The following STK17A variants were observed in gnomAD, a reference collection of about 807,000 sequenced individuals.
STK17A encodes the protein serine/threonine kinase 17a.
Under a neutral mutation model 43.7 loss-of-function variants are expected in STK17A, and 26 were observed. The observed-to-expected ratio is 0.60, with a 90% CI of 0.44 to 0.83. The LOEUF (loss-of-function observed/expected upper bound fraction) is 0.83. Among genes scored for constraint, STK17A ranks in the 40% least tolerant of loss-of-function variants. The pLI is 0.00. For synonymous variants in STK17A, 191 were observed against 182.5 expected, an observed-to-expected ratio of 1.05 and a Z score of -0.38; for missense variants, 476 against 511.6, an observed-to-expected ratio of 0.93 and a Z score of 0.67.
At chr7:43,588,884 T>G (rs769143530) in intron 1 of STK17A, among the ~76,000 whole-genome samples, 2 of 151,446 alleles carry the variant, frequency 1.3e-5, no homozygotes, top group African/African-American at 4.8e-5. Flanking sequence ...ACTGTACTTA[T>G]GTATCAAGTA....
chr7:43,596,032 A>G lies in STK17A; in HGVS notation c.338A>G (p.Glu113Gly). Residue 113 changes from glutamate to glycine, a missense_variant, in exon 2 of 7, where the codon GAA becomes GGA. Coordinates refer to ENST00000319357, the MANE Select transcript of STK17A (RefSeq NM_004760.3). ...ATAATTCATGAGATTGCTGTACTTG[A>G]ACTAGCACAAGACAATCCTTGGGTC... ...MEIIHEIAVL[E>G]LAQDNPWVIN... 7 of 1,613,904 alleles carry G rather than the reference A, an allele frequency of 4.3e-6. No individual in the cohort carries two copies. Among genetic ancestry groups the G allele is most frequent in the Non-Finnish European group, 5.9e-6 (7 of 1,179,932 alleles).
chr7:43,593,686 T>C (rs2082494540), intron 1 of STK17A, among the ~76,000 whole-genome samples: 1 of 141,858 alleles, frequency 7.0e-6, no homozygotes, highest in East Asian at 2.0e-4. Context: ...TGAAAAAATG[T>C]CTGTTCATAT....
intron 3 of STK17A, among the ~76,000 whole-genome samples, chr7:43,617,009 T>G (rs2083415385): frequency 6.6e-6 from 1 of 152,204 alleles, no homozygotes; most frequent in Admixed American, 6.5e-5. Flanking sequence ...CTCACCAAGT[T>G]GAGACTAGGC....
intron 3 of STK17A, among the ~76,000 whole-genome samples, chr7:43,615,274 C>CAAGTG (rs2083241641): frequency 6.6e-6 from 1 of 152,166 alleles, no homozygotes; most frequent in Non-Finnish European, 1.5e-5. Flanking sequence ...CTCCCAGGCT[C>CAAGTG]AAGTGATCCT....
At chr7:43,599,174 A>G (rs2082540290) in intron 2 of STK17A, among the ~76,000 whole-genome samples, 1 of 152,268 alleles carries the variant, frequency 6.6e-6, no homozygotes, top group Non-Finnish European at 1.5e-5. Flanking sequence ...TTTTCACCCA[A>G]TTCATACTTC....
chr7:43,623,200 G>A (rs758917408), intron 4 of STK17A: 1 of 177,118 alleles, frequency 5.6e-6, no homozygotes, highest in Non-Finnish European at 1.2e-5. Flanking sequence ...AGTGCCACGG[G>A]TGAGGGTGGG....
At chr7:43,590,185 A>G (rs563056190) in intron 1 of STK17A, among the ~76,000 whole-genome samples, 1 of 151,250 alleles carries the variant, frequency 6.6e-6, no homozygotes, top group East Asian at 1.9e-4. Context: ...GGCTCAAGCA[A>G]TCCGCCTACC....
At chr7:43,618,395 C>T (rs922658976) in intron 3 of STK17A, among the ~76,000 whole-genome samples, 5 of 152,096 alleles carry the variant, frequency 3.3e-5, no homozygotes, top group Non-Finnish European at 7.4e-5. Flanking sequence ...GTGGGAGTAG[C>T]TGTGTTATTT....
At chr7:43,601,100 TA>T (rs2082551647) in intron 2 of STK17A, among the ~76,000 whole-genome samples, 1 of 152,204 alleles carries the variant, frequency 6.6e-6, no homozygotes, top group South Asian at 2.1e-4. Context: ...GTCAAAGATT[TA>T]AAATATTAAG....
At chr7:43,606,003 G>A (rs922911749) in intron 2 of STK17A, among the ~76,000 whole-genome samples, 2 of 149,090 alleles carry the variant, frequency 1.3e-5, no homozygotes, top group Non-Finnish European at 3.0e-5. Context: ...CAGAATAAAT[G>A]TCATCTTTCC....
intron 2 of STK17A, among the ~76,000 whole-genome samples, chr7:43,599,519 T>G (rs768830046): frequency 2.6e-5 from 4 of 152,228 alleles, no homozygotes; most frequent in Non-Finnish European, 5.9e-5. Flanking sequence ...ATCACATCCT[T>G]TTTTGAAGGA....
intron 1 of STK17A, among the ~76,000 whole-genome samples, chr7:43,591,990 T>C (rs2082482965): frequency 6.6e-6 from 1 of 151,596 alleles, no homozygotes; most frequent in South Asian, 2.1e-4. Context: ...TTTGTGTGTG[T>C]GATATGTGTT....
chr7:43,587,346 G>A (rs906714356), intron 1 of STK17A, among the ~76,000 whole-genome samples: 15 of 150,938 alleles, frequency 9.9e-5, no homozygotes, highest in African/African-American at 3.6e-4. Context: ...AGTAGAGACA[G>A]GGGAAAGGAT....
intron 3 of STK17A, among the ~76,000 whole-genome samples, chr7:43,615,229 G>C (rs1312467320): frequency 1.3e-5 from 2 of 152,174 alleles, no homozygotes; most frequent in Admixed American, 1.3e-4. Flanking sequence ...AGATTGGAGT[G>C]CAGTGGCACT....
intron 3 of STK17A, among the ~76,000 whole-genome samples, chr7:43,619,075 G>A (rs1025803533): frequency 2.0e-5 from 3 of 152,212 alleles, no homozygotes; most frequent in African/African-American, 7.2e-5. Context: ...ATACAAGGAT[G>A]CTTGACAGTG....
intron 1 of STK17A, among the ~76,000 whole-genome samples, chr7:43,589,239 A>T (rs982748426): frequency 2.0e-5 from 3 of 151,526 alleles, no homozygotes; most frequent in Non-Finnish European, 3.0e-5. Flanking sequence ...GCAGGGCACT[A>T]TGGAGATAAA....
At chr7:43,607,776 G>C (rs773719114) in intron 2 of STK17A, among the ~76,000 whole-genome samples, 7 of 151,880 alleles carry the variant, frequency 4.6e-5, no homozygotes, top group South Asian at 2.1e-4. Flanking sequence ...GAGGAACTCA[G>C]ATGACAATAA....
chr7:43,596,079 GA>G lies in STK17A; in HGVS notation c.386del (p.Glu129GlyfsTer6). On this transcript the variant is annotated frameshift_variant, in exon 2 of 7. Coordinates refer to ENST00000319357, the MANE Select transcript of STK17A (RefSeq NM_004760.3). LOFTEE classifies it high-confidence loss of function. The stretch of plus-strand genomic sequence containing the variant: ...GGTCATTAATTTACATGAAGTTTAT[GA>G]GACTGCATCAGAAATGATCTTAGTT... ...PWVINLHEVY[E>X]TASEMILVLE... 6.2e-7 allele frequency: 1 copy of G among 1,612,722 alleles called. No homozygotes were observed. The highest frequency in any genetic ancestry group is 1.3e-5 in the African/African-American group (1 of 75,028).
In STK17A at chr7:43,619,138, G is replaced by A. The variant is rs1431900654; in HGVS notation, c.565-459G>A. Among the ~76,000 whole-genome samples, 5 of 152,314 alleles carry A rather than the reference G, an allele frequency of 3.3e-5. No homozygotes were observed. The South Asian group carries it at 8.3e-4, about 25-fold the overall frequency. The stretch of plus-strand genomic sequence containing the variant: ...AAAATAGTCCCTGAAAGACACAGAC[G>A]GGATTTGGTGGGTCTTTGATTATTG... On this transcript the variant is annotated intron_variant, in intron 3 of 6. Coordinates refer to ENST00000319357, the MANE Select transcript of STK17A (RefSeq NM_004760.3).
Sources: allele counts gnomAD v4.1 joint callset (sites outside exome capture counted in the v4.1 genomes callset), GRCh38; gene constraint gnomAD v4.1.1; transcripts MANE v1.5; gene names NCBI Gene and HGNC (gene_info 2026-07-23, HGNC 2026-07-21).